The following GALK2 variants were observed in gnomAD, a reference collection of about 807,000 sequenced individuals.
GALK2 encodes N-acetylgalactosamine kinase.
A neutral mutation model predicts 52.4 loss-of-function variants in GALK2; 36 were observed. That is an observed-to-expected ratio of 0.69 (90% CI 0.53 to 0.91). The LOEUF is 0.91. Ranked by LOEUF, GALK2 falls within the 40% of genes least tolerant of loss-of-function variation. The pLI is 0.00. For synonymous variants in GALK2, 176 were observed against 199.1 expected (o/e 0.88, Z 0.98); for missense variants, 579 against 559.1 (o/e 1.04, Z -0.36).
chr15:49,190,178 C>A (rs533076781), intron 1 of GALK2, among the ~76,000 whole-genome samples: 1 of 152,132 alleles, frequency 6.6e-6, no homozygotes, highest in African/African-American at 2.4e-5. Context: ...TCTAGTATAC[C>A]CTTTCAAATT....
At chr15:49,254,975 A>C (rs1029599835) in intron 5 of GALK2, among the ~76,000 whole-genome samples, 1 of 143,974 alleles carries the variant, frequency 6.9e-6, no homozygotes, top group Non-Finnish European at 1.6e-5. Flanking sequence ...ATTTTGCCAC[A>C]TTTGCTTTAT....
At position 49,276,904 on chromosome 15, in the gene GALK2, G is replaced by GTTT. The variant is rs34440691; in HGVS notation, c.505-5067_505-5065dup. On this transcript the variant is annotated intron_variant, in intron 5 of 9. Transcript: ENST00000560031. ...AGCTTTTTTCTTAATAGAATCTGAG[G>GTTT]TTTTTTTTTTTTTTTTTTGGTTTTT... 2.6e-3 allele frequency among the ~76,000 whole-genome samples: 199 copies of GTTT among 77,844 alleles called. 1 individual carries two copies. The highest frequency in any genetic ancestry group is 9.4e-3 in the Middle Eastern group (1 of 106). The allele number at this position is 77,844 out of a possible 152,430, so 51.1% of individuals were successfully genotyped here.
At chr15:49,228,775 C>T (rs536002463) in intron 3 of GALK2, among the ~76,000 whole-genome samples, 1 of 137,404 alleles carries the variant, frequency 7.3e-6, no homozygotes, top group South Asian at 2.4e-4. Context: ...TTCACTACAG[C>T]CTCTGCATCC....
chr15:49,208,095 A>G (rs2088474942), intron 2 of GALK2, among the ~76,000 whole-genome samples: 1 of 152,004 alleles, frequency 6.6e-6, no homozygotes, highest in Admixed American at 6.6e-5. Flanking sequence ...TCAAAGACCC[A>G]TCTTTTTGTT....
rs892114540 is a variant in GALK2 at position 49,353,782 on chromosome 15, G to C, written c.427-13709G>C. On this transcript the variant is annotated intron_variant, in intron 3 of 3. Transcript: ENST00000558399. The stretch of plus-strand genomic sequence containing the variant: ...TAGATGGGAGGGTTCTGGATTAGTT[G>C]TTTTTTTCAGATATTTGTATTTCAG... 6 of 151,918 alleles carry C rather than the reference G, an allele frequency of 3.9e-5. No homozygotes were observed. In the East Asian group the frequency reaches 1.2e-3, roughly 29 times the overall value. 9.4% of individuals were successfully genotyped at this position (151,918 alleles called of 1,614,324 possible).
chr15:49,327,330 G>C (rs1222751914), intron 9 of GALK2: 3 of 152,178 alleles, frequency 2.0e-5, no homozygotes, highest in African/African-American at 4.8e-5. Flanking sequence ...GAAAGGCTTG[G>C]TTAATTTTCC....
chr15:49,352,274 T>A (rs1291801770), intron 3 of GALK2, among the ~76,000 whole-genome samples: 1 of 152,166 alleles, frequency 6.6e-6, no homozygotes, highest in African/African-American at 2.4e-5. Context: ...ACTCTAATGG[T>A]TGAGGAATTA....
intron 1 of GALK2, among the ~76,000 whole-genome samples, chr15:49,191,824 C>T (rs908479426): frequency 6.6e-6 from 1 of 151,712 alleles, no homozygotes; most frequent in South Asian, 2.1e-4. Context: ...GCCTGAATCA[C>T]TTATTACTAC....
chr15:49,270,391 G>A (rs1021651363), intron 5 of GALK2, among the ~76,000 whole-genome samples: 1 of 151,858 alleles, frequency 6.6e-6, no homozygotes, highest in Non-Finnish European at 1.5e-5. Flanking sequence ...TTTTCCCTGG[G>A]GGTGCTAAAT....
intron 7 of GALK2, 51 bp downstream of exon 7, chr15:49,283,769 T>C: frequency 6.3e-7 from 1 of 1,585,316 alleles, no homozygotes; most frequent in South Asian, 1.1e-5. Flanking sequence ...TTCTTGTCTT[T>C]ATTTTCATTG....
At chr15:49,170,520 GCTGGGCTTGC>G in intron 1 of GALK2, 145 bp downstream of exon 1, 1 of 716,094 alleles carries the variant, frequency 1.4e-6, no homozygotes, top group Admixed American at 2.8e-5. Context: ...AGGACACGTG[GCTGGGCTTGC>G]AAAAAAGATC....
At chr15:49,268,841 T>G (rs1448406815) in intron 5 of GALK2, among the ~76,000 whole-genome samples, 1 of 152,246 alleles carries the variant, frequency 6.6e-6, no homozygotes, top group East Asian at 1.9e-4. Context: ...GGTTAGTTTT[T>G]GTTCCATTAG....
At chr15:49,209,761 T>G (rs1459103537) in intron 2 of GALK2, among the ~76,000 whole-genome samples, 1 of 152,166 alleles carries the variant, frequency 6.6e-6, no homozygotes, top group African/African-American at 2.4e-5. Flanking sequence ...GATTTTTGAT[T>G]ATATGTTCAA....
At chr15:49,337,805 T>C (rs1386367735) in intron 3 of GALK2, among the ~76,000 whole-genome samples, 1 of 152,130 alleles carries the variant, frequency 6.6e-6, no homozygotes, top group East Asian at 1.9e-4. Context: ...TTGCTGAGAA[T>C]GATGGTTTCC....
chr15:49,223,803 C>T (rs11632063), intron 3 of GALK2, among the ~76,000 whole-genome samples: 2 of 151,914 alleles, frequency 1.3e-5, no homozygotes, highest in Non-Finnish European at 2.9e-5. Context: ...TGGGCACCTG[C>T]GTTGATTCCA....
intron 8 of GALK2, among the ~76,000 whole-genome samples, chr15:49,298,868 C>G (rs1486238692): frequency 6.6e-6 from 1 of 151,954 alleles, no homozygotes; most frequent in African/African-American, 2.4e-5. Context: ...CTGAAGTTTT[C>G]TTTTTTTGTT....
chr15:49,177,804 T>G, intron 1 of GALK2: 1 of 408,226 alleles, frequency 2.4e-6, no homozygotes, highest in Non-Finnish European at 4.5e-6. Context: ...CATTATGGAG[T>G]GGATGAATGA....
chr15:49,284,061 C>T (rs973318601), intron 7 of GALK2, among the ~76,000 whole-genome samples: 3 of 152,130 alleles, frequency 2.0e-5, no homozygotes, highest in Non-Finnish European at 2.9e-5. Context: ...GCAGCCTCAC[C>T]CCTCCTGGTC....
intron 9 of GALK2, among the ~76,000 whole-genome samples, chr15:49,324,416 G>A (rs1197670851): frequency 1.0e-4 from 3 of 29,344 alleles, no homozygotes; most frequent in African/African-American, 2.8e-4. Flanking sequence ...AAAAAAAAGA[G>A]GGAGGGAGCC....
Sources: allele counts gnomAD v4.1 joint callset (sites outside exome capture counted in the v4.1 genomes callset), GRCh38; gene constraint gnomAD v4.1.1; transcripts MANE v1.5; gene names NCBI Gene and HGNC (gene_info 2026-07-23, HGNC 2026-07-21).